The following ZC3H12C variants were observed in gnomAD, a reference collection of about 807,000 sequenced individuals.
ZC3H12C encodes probable ribonuclease ZC3H12C.
ZC3H12C carries 20 observed loss-of-function variants against 76.3 expected under a neutral mutation model. The observed-to-expected ratio is 0.26, with a 90% confidence interval of 0.18 to 0.38. The LOEUF (loss-of-function observed/expected upper bound fraction) is 0.38, where lower values mean the gene tolerates loss of function less well. Ranked by LOEUF, ZC3H12C falls within the 10% of genes least tolerant of loss-of-function variation. The pLI, the probability that ZC3H12C is intolerant of heterozygous loss-of-function variation, is 1.00. For missense variants in ZC3H12C, 874 were observed against 1,086.5 expected (o/e 0.80, Z 2.75); for synonymous variants, 352 against 399.6 (o/e 0.88, Z 1.42).
intron 1 of ZC3H12C, chr11:110,135,911 C>T (rs761663640): frequency 6.6e-6 from 1 of 151,978 alleles, no homozygotes; most frequent in Non-Finnish European, 1.5e-5. Flanking sequence ...CTGTTGTTTC[C>T]CTGGCACTTA....
intron 1 of ZC3H12C, among the ~76,000 whole-genome samples, chr11:110,120,341 C>T (rs996946114): frequency 1.7e-4 from 26 of 152,160 alleles, no homozygotes; most frequent in Non-Finnish European, 3.4e-4. Flanking sequence ...TACACCTAAA[C>T]AAAGCCCATC....
chr11:110,146,906 A>T (rs954541500), intron 2 of ZC3H12C, among the ~76,000 whole-genome samples: 1 of 152,230 alleles, frequency 6.6e-6, no homozygotes, highest in Non-Finnish European at 1.5e-5. Flanking sequence ...TCTACCTTTA[A>T]ATCCATCCTT....
chr11:110,117,781 A>G (rs1165217761), intron 1 of ZC3H12C, among the ~76,000 whole-genome samples: 4 of 141,166 alleles, frequency 2.8e-5, no homozygotes, highest in Non-Finnish European at 6.0e-5. Flanking sequence ...ATATATACAC[A>G]CACACATATA....
chr11:110,107,089 CA>C (rs371167021), intron 1 of ZC3H12C, among the ~76,000 whole-genome samples: 1 of 152,212 alleles, frequency 6.6e-6, no homozygotes, highest in African/African-American at 2.4e-5. Context: ...AATAGACTTA[CA>C]TGCCCTAGAG....
intron 1 of ZC3H12C, among the ~76,000 whole-genome samples, chr11:110,128,587 CTA>C (rs1861798279): frequency 6.6e-6 from 1 of 152,096 alleles, no homozygotes; most frequent in Non-Finnish European, 1.5e-5. Context: ...AGAAGACTGT[CTA>C]TTCATACCAA....
At position 110,171,469 on chromosome 11, in the gene ZC3H12C, C is replaced by T. The variant is rs189722108; in HGVS notation, c.*5732C>T. The T allele has an allele frequency of 6.6e-6, 1 of 152,260 alleles. No homozygotes were observed. The allele number at this position is 152,260 out of a possible 1,614,324, so 9.4% of individuals were successfully genotyped here. A position where few individuals can be genotyped will look rare whatever the true frequency, so the allele number is the denominator to read the frequency against. ...ATGTGTAGTGCAACCATCTGATAAA[C>T]TAGTGTGATTGTATTTATCCTCTGT... On this transcript the variant is annotated 3_prime_UTR_variant, in exon 6 of 6. Transcript: ENST00000278590.
At chr11:110,105,004 G>A (rs1317745361) in intron 1 of ZC3H12C, among the ~76,000 whole-genome samples, 1 of 152,086 alleles carries the variant, frequency 6.6e-6, no homozygotes. Flanking sequence ...ATTACTTTAT[G>A]TCTTATAGGG....
chr11:110,100,217 T>TTTTTA (rs1242187697), intron 1 of ZC3H12C, among the ~76,000 whole-genome samples: 1 of 150,658 alleles, frequency 6.6e-6, no homozygotes, highest in Non-Finnish European at 1.5e-5. Context: ...TGGTACTTTT[T>TTTTTA]TTTTTTTTTT....
Position 110,165,111 on chromosome 11 carries a change from T to A in ZC3H12C, c.2026T>A (p.Phe676Ile), listed in dbSNP as rs1489999533. The A allele has an allele frequency of 6.2e-7, 1 of 1,613,736 alleles. No individual in the cohort carries two copies. Among genetic ancestry groups the A allele is most frequent in the Admixed American group, 1.7e-5 (1 of 60,014 alleles). ...HPHSRLNPQPFLQNFHDPLTR... is the reference protein window; with the variant it reads ...HPHSRLNPQPILQNFHDPLTR... ...TCACAGCCGCCTTAATCCTCAACCG[T>A]TCCTGCAGAATTTCCACGACCCCTT... The change falls in exon 6 of 6, where the codon TTC becomes ATC. Residue 676 changes from phenylalanine (F) to isoleucine (I), a missense_variant. By Grantham distance (21) the Phe-to-Ile change is conservative. This residue lies in a region of ZC3H12C where 395 missense variants were observed against 434.4 expected (regional missense o/e 0.91). Transcript: ENST00000278590.
chr11:110,122,785 C>T (rs968416620), intron 1 of ZC3H12C, among the ~76,000 whole-genome samples: 1 of 152,146 alleles, frequency 6.6e-6, no homozygotes, highest in African/African-American at 2.4e-5. Context: ...GGATAAGCTA[C>T]GATACTCAGT....
chr11:110,167,422 A>G lies in ZC3H12C; in HGVS notation c.*1685A>G, dbSNP rs564051825. 9.8e-4 allele frequency: 149 copies of G among 152,364 alleles called. 1 individual carries two copies. Among genetic ancestry groups the G allele is most frequent in the African/African-American group, 3.5e-3 (145 of 41,596 alleles). The allele number at this position is 152,364 out of a possible 1,614,324, so 9.4% of individuals were successfully genotyped here. A position where few individuals can be genotyped will look rare whatever the true frequency, so the allele number is the denominator to read the frequency against. ...AAATTGAGGTCTAGAATAGATTAGA[A>G]AATAAAAATAACAATTTAGATAAAT... On this transcript the variant is annotated 3_prime_UTR_variant, in exon 6 of 6. Coordinates refer to ENST00000278590, the MANE Select transcript of ZC3H12C (RefSeq NM_033390.2).
intron 1 of ZC3H12C, among the ~76,000 whole-genome samples, chr11:110,102,141 G>A (rs1861227915): frequency 1.3e-5 from 2 of 151,028 alleles, no homozygotes; most frequent in African/African-American, 4.9e-5. Flanking sequence ...TGACTTGCAA[G>A]TCTTATTATT....
At chr11:110,130,969 G>A in intron 1 of ZC3H12C, 2 of 1,473,718 alleles carry the variant, frequency 1.4e-6, no homozygotes, top group Admixed American at 2.0e-5. Flanking sequence ...AATAGGTTAA[G>A]CAAAGACATT....
At position 110,165,632 on chromosome 11, in the gene ZC3H12C, C is replaced by A. The variant is rs191947838; in HGVS notation, c.2547C>A (p.Phe849Leu). The A allele has an allele frequency of 6.3e-7, 1 of 1,599,058 alleles. No individual in the cohort carries two copies. Among genetic ancestry groups the A allele is most frequent in the Non-Finnish European group, 8.5e-7 (1 of 1,172,430 alleles). Reference protein sequence around the residue: ...EKIYINLCNIFPPDLVRIVMK... With the variant: ...EKIYINLCNILPPDLVRIVMK... Reference sequence around the variant, plus strand: ...TTTATATCAATTTGTGCAACATCTTCCCCCCTGACCTTGTGAGAATTGTCA... The same window carrying A: ...TTTATATCAATTTGTGCAACATCTTACCCCCTGACCTTGTGAGAATTGTCA... The change falls in exon 6 of 6, where the codon TTC (phenylalanine) becomes TTA (leucine). Residue 849 changes from phenylalanine to leucine, a missense_variant. Around this residue, in one of 3 missense-constraint regions of ZC3H12C, gnomAD observed 395 missense variants for 434.4 expected, o/e 0.91. Transcript: ENST00000278590.
In ZC3H12C at chr11:110,165,878, A is replaced by C. The variant is rs1228325300; in HGVS notation, c.*141A>C. On this transcript the variant is annotated 3_prime_UTR_variant, in exon 6 of 6. Transcript: ENST00000278590. ...ATTTATGTGAAATACTGTATCATGG[A>C]ATCTGTATGTATAGCCCCACATGGT... is the stretch of plus-strand genomic sequence containing the variant. 8 of 802,104 alleles carry C rather than the reference A, an allele frequency of 1.0e-5. No homozygotes were observed. The highest frequency in any genetic ancestry group is 1.5e-5 in the Non-Finnish European group (8 of 521,042). The allele number at this position is 802,104 out of a possible 1,614,324, so 49.7% of individuals were successfully genotyped here.
rs376256489 is a variant in ZC3H12C, at chr11:110,111,460, G to A, written c.21+18028G>A. 3.3e-5 allele frequency among the ~76,000 whole-genome samples: 5 copies of A among 150,986 alleles called. 1 individual carries two copies. Among genetic ancestry groups the A allele is most frequent in the Admixed American group, 6.6e-5 (1 of 15,156 alleles). ...ATCAGAATTAGAAGGTAAAATAAAA[G>A]TCAGTAACTTATTTTAGAAACACCA... On this transcript the variant is annotated intron_variant, in intron 1 of 5. Coordinates refer to ENST00000278590, the MANE Select transcript of ZC3H12C (RefSeq NM_033390.2).
intron 3 of ZC3H12C, among the ~76,000 whole-genome samples, chr11:110,153,324 A>G (rs756552328): frequency 2.0e-5 from 3 of 152,026 alleles, no homozygotes; most frequent in Non-Finnish European, 4.4e-5. Context: ...AGTAGCTGGG[A>G]TTACAGGCGT....
chr11:110,104,956 A>G (rs1266906052), intron 1 of ZC3H12C, among the ~76,000 whole-genome samples: 1 of 152,154 alleles, frequency 6.6e-6, no homozygotes, highest in Non-Finnish European at 1.5e-5. Flanking sequence ...TTAATATGTC[A>G]GTTTATATTT....
intron 1 of ZC3H12C, among the ~76,000 whole-genome samples, chr11:110,103,894 C>T (rs377061004): frequency 2.0e-5 from 3 of 152,092 alleles, no homozygotes; most frequent in South Asian, 2.1e-4. Flanking sequence ...TGAGCCACCG[C>T]GCCTGGCAGT....
Sources: gnomAD v4.1 joint callset for allele counts (sites outside exome capture counted in the v4.1 genomes callset) on GRCh38, gnomAD v4.1.1 for gene constraint, gnomAD v4.1.1 regional missense constraint, MANE v1.5 for transcripts, NCBI Gene and HGNC (gene_info 2026-07-23, HGNC 2026-07-21) for gene names.